Variants in GPM6A observed in about 807,000 individuals in gnomAD.
GPM6A encodes glycoprotein M6A, also known as neuronal membrane glycoprotein M6-a.
GPM6A carries 7 observed loss-of-function variants against 32.1 expected under a neutral mutation model. That is an observed-to-expected ratio of 0.22 (90% CI 0.12 to 0.41). GPM6A has a LOEUF of 0.41. Ranked by LOEUF, GPM6A falls within the 10% of genes least tolerant of loss-of-function variation. GPM6A has a pLI of 1.00. For synonymous variants in GPM6A, 130 were observed against 123.4 expected (o/e 1.05, Z -0.35); for missense variants, 235 against 347.2 (o/e 0.68, Z 2.57).
chr4:175,779,235 C>A (rs926170180), intron 1 of GPM6A, among the ~76,000 whole-genome samples: 2 of 152,112 alleles, frequency 1.3e-5, no homozygotes, highest in Non-Finnish European at 2.9e-5. Context: ...TTGATGCAAT[C>A]GTTACCCATT....
chr4:175,761,515 A>G (rs1037319678), intron 1 of GPM6A, among the ~76,000 whole-genome samples: 1 of 152,194 alleles, frequency 6.6e-6, no homozygotes, highest in East Asian at 1.9e-4. Flanking sequence ...CCTTCTACCA[A>G]TATTTCAAAT....
At chr4:175,739,773 T>A (rs1731805215) in intron 1 of GPM6A, among the ~76,000 whole-genome samples, 1 of 152,124 alleles carries the variant, frequency 6.6e-6, no homozygotes. Flanking sequence ...CTTAATGTGC[T>A]GAGCCACCAT....
intron 1 of GPM6A, among the ~76,000 whole-genome samples, chr4:175,939,005 T>G (rs1476966570): frequency 1.3e-5 from 2 of 152,202 alleles, no homozygotes; most frequent in African/African-American, 4.8e-5. Context: ...TTCTGTAATT[T>G]AAATGCTATC....
chr4:175,757,492 G>A lies in GPM6A; in HGVS notation c.37+54699C>T, dbSNP rs186280995. Among the ~76,000 whole-genome samples, 45 of 152,168 alleles carry A rather than the reference G, an allele frequency of 3.0e-4. No homozygotes were observed. In the East Asian group the frequency reaches 6.6e-3, roughly 22 times the overall value. ...GCTTTATGTCACTAAAATGTATTAC[G>A]CCTGGATAAGTAACTAACAAGCACA... On this transcript the variant is annotated intron_variant, in intron 1 of 6. Coordinates refer to ENST00000393658, the MANE Select transcript of GPM6A (RefSeq NM_201591.3).
intron 3 of GPM6A, among the ~76,000 whole-genome samples, chr4:175,670,045 T>C (rs1462475271): frequency 6.6e-6 from 1 of 152,220 alleles, no homozygotes; most frequent in Non-Finnish European, 1.5e-5. Flanking sequence ...GGTCTCAAAC[T>C]TCTAGCTTCC....
intron 4 of GPM6A, among the ~76,000 whole-genome samples, chr4:175,647,526 G>A (rs896782861): frequency 2.6e-5 from 4 of 152,002 alleles, no homozygotes; most frequent in East Asian, 1.9e-4. Context: ...AGAACTGTTC[G>A]AAATGCATAA....
chr4:175,733,380 A>G (rs1430489314), intron 1 of GPM6A, among the ~76,000 whole-genome samples: 1 of 151,984 alleles, frequency 6.6e-6, no homozygotes, highest in Non-Finnish European at 1.5e-5. Flanking sequence ...GGCACCGCCT[A>G]TAGTCCAAGC....
intron 1 of GPM6A, among the ~76,000 whole-genome samples, chr4:175,975,610 C>G (rs1740634464): frequency 1.3e-5 from 2 of 152,322 alleles, no homozygotes; most frequent in Admixed American, 6.5e-5. Context: ...GCATTTCTCA[C>G]CAGTTCCTAA....
At chr4:175,775,024 GAAC>G (rs1733337902) in intron 1 of GPM6A, among the ~76,000 whole-genome samples, 1 of 152,060 alleles carries the variant, frequency 6.6e-6, no homozygotes, top group African/African-American at 2.4e-5. Context: ...GATATAAGGT[GAAC>G]AGATGTATGT....
chr4:175,731,337 C>G (rs1183941902), intron 1 of GPM6A, among the ~76,000 whole-genome samples: 1 of 152,136 alleles, frequency 6.6e-6, no homozygotes, highest in Non-Finnish European at 1.5e-5. Context: ...CCAAACCACA[C>G]CTCCGCCACA....
intron 1 of GPM6A, among the ~76,000 whole-genome samples, chr4:175,911,037 G>A (rs1014730563): frequency 6.6e-6 from 1 of 152,072 alleles, no homozygotes; most frequent in Non-Finnish European, 1.5e-5. Context: ...CATTGCAAAT[G>A]CTTACACATC....
chr4:175,812,953 T>TC, upstream of GPM6A: 1 of 985,394 alleles, frequency 1.0e-6, no homozygotes, highest in South Asian at 4.7e-5. Context: ...GGACTTGTAA[T>TC]CCCACACCTT....
chr4:175,970,807 G>A (rs2126421556), intron 1 of GPM6A: 2 of 443,048 alleles, frequency 4.5e-6, no homozygotes, highest in Admixed American at 5.2e-5. Flanking sequence ...CTTTGTCACC[G>A]CTTCTACTAA....
chr4:175,863,602 A>C (rs1445802684), intron 1 of GPM6A, among the ~76,000 whole-genome samples: 1 of 152,152 alleles, frequency 6.6e-6, no homozygotes, highest in Non-Finnish European at 1.5e-5. Context: ...AATATCCAGG[A>C]GTGACATTAC....
chr4:175,767,444 A>G (rs1733015721), intron 1 of GPM6A, among the ~76,000 whole-genome samples: 1 of 152,068 alleles, frequency 6.6e-6, no homozygotes, highest in South Asian at 2.1e-4. Flanking sequence ...AAATTCAGAA[A>G]CCCCTGACTG....
At chr4:175,693,285 T>C (rs947948084) in intron 2 of GPM6A, among the ~76,000 whole-genome samples, 10 of 148,636 alleles carry the variant, frequency 6.7e-5, no homozygotes, top group Non-Finnish European at 1.2e-4. Flanking sequence ...TGCATACATA[T>C]ATACATATAT....
intron 1 of GPM6A, among the ~76,000 whole-genome samples, chr4:175,959,395 C>T (rs1289067714): frequency 1.3e-5 from 2 of 152,018 alleles, no homozygotes; most frequent in East Asian, 3.9e-4. Flanking sequence ...ACCTCTCATG[C>T]ATCTAGAAAT....
chr4:175,732,714 C>A (rs1731486291), intron 1 of GPM6A, among the ~76,000 whole-genome samples: 1 of 152,046 alleles, frequency 6.6e-6, no homozygotes. Context: ...GTATGTGATA[C>A]TAGAAAAGCT....
intron 1 of GPM6A, among the ~76,000 whole-genome samples, chr4:175,906,493 C>T (rs913764363): frequency 1.3e-5 from 2 of 152,080 alleles, no homozygotes; most frequent in African/African-American, 2.4e-5. Context: ...AACTCCAGTG[C>T]TCTTATTTTT....
Sources: gnomAD v4.1 joint callset for allele counts (sites outside exome capture counted in the v4.1 genomes callset) on GRCh38, gnomAD v4.1.1 for gene constraint, MANE v1.5 for transcripts, NCBI Gene and HGNC (gene_info 2026-07-23, HGNC 2026-07-21) for gene names.